The following CASKIN2 variants were observed in gnomAD, a reference collection of about 807,000 sequenced individuals.
CASKIN2 encodes CASK interacting protein 2, also known as caskin-2.
A neutral mutation model predicts 107.1 loss-of-function variants in CASKIN2; 41 were observed. The observed-to-expected ratio is 0.38, with a 90% CI of 0.30 to 0.50. The LOEUF is 0.50. Ranked by LOEUF, CASKIN2 falls within the 20% of genes least tolerant of loss-of-function variation. The pLI is 0.92. For synonymous variants in CASKIN2, 724 were observed against 705.6 expected, an observed-to-expected ratio of 1.03 and a Z score of -0.41; for missense variants, 1,546 against 1,657.4, an observed-to-expected ratio of 0.93 and a Z score of 1.17.
At chr17:75,511,897 A>G (rs1169970365) in intron 2 of CASKIN2, among the ~76,000 whole-genome samples, 1 of 132,406 alleles carries the variant, frequency 7.6e-6, no homozygotes, top group African/African-American at 2.5e-5. Context: ...TGAGGCCAGC[A>G]GCAGCTTGAC....
At position 75,506,181 on chromosome 17, in the gene CASKIN2, C is replaced by A. The variant is rs1038376731; in HGVS notation, c.726+124G>T. The A allele has an allele frequency of 8.3e-6, 7 of 847,742 alleles. No homozygotes were observed. Among genetic ancestry groups the A allele is most frequent in the Non-Finnish European group, 1.3e-5 (7 of 546,740 alleles). The allele number at this position is 847,742 out of a possible 1,614,324, so 52.5% of individuals were successfully genotyped here. A position where few individuals can be genotyped will look rare whatever the true frequency, so the allele number is the denominator to read the frequency against. ...CGGCACCATTCAGAAGGAAGTCAGG[C>A]CTCTTTCCTGACGCCCATGCAAAAA... On this transcript the variant is annotated intron_variant, in intron 8 of 19. Coordinates refer to ENST00000321617, the MANE Select transcript of CASKIN2 (RefSeq NM_020753.5). The surrounding 1 kb of genome is among the most constrained non-coding windows in gnomAD (Gnocchi z 4.8).
At position 75,500,451 on chromosome 17, in the gene CASKIN2, T is replaced by C. The variant is rs2053158570; in HGVS notation, c.*629A>G. 6.5e-6 allele frequency: 1 copy of C among 152,912 alleles called. No individual in the cohort carries two copies. The highest frequency in any genetic ancestry group is 1.5e-5 in the Non-Finnish European group (1 of 68,532). The allele number at this position is 152,912 out of a possible 1,614,324, so 9.5% of individuals were successfully genotyped here. A position where few individuals can be genotyped will look rare whatever the true frequency, so the allele number is the denominator to read the frequency against. ...GATAGAATAAATTCCATTTAAAATA[T>C]ATGCATTTCTCTCTGCTTAGAAAAT... On this transcript the variant is annotated 3_prime_UTR_variant, in exon 20 of 20. Transcript: ENST00000321617.
In CASKIN2 at chr17:75,506,213, T is replaced by G; in HGVS notation, c.726+92A>C. ...CCTGACGCCCATGCAAAAACCACGC[T>G]GGAGTCCTCCGTCCCGTACCTCCCC... On this transcript the variant is annotated intron_variant, in intron 8 of 19. Coordinates refer to ENST00000321617, the MANE Select transcript of CASKIN2 (RefSeq NM_020753.5). The surrounding 1 kb of genome is among the most constrained non-coding windows in gnomAD (Gnocchi z 4.8). The G allele has an allele frequency of 8.8e-7, 1 of 1,137,024 alleles. No homozygotes were observed. The highest frequency in any genetic ancestry group is 1.5e-5 in the African/African-American group (1 of 65,204). 70.4% of individuals were successfully genotyped at this position (1,137,024 alleles called of 1,614,324 possible). A position where few individuals can be genotyped will look rare whatever the true frequency, so the allele number is the denominator to read the frequency against.
At position 75,500,570 on chromosome 17, in the gene CASKIN2, G is replaced by T. The variant is rs185143167; in HGVS notation, c.*510C>A. ...CCTGCCTCAGTGAGGGAAGGCGGGG[G>T]CAGGAGCTGCCTGGGCACCACCGCT... On this transcript the variant is annotated 3_prime_UTR_variant, in exon 20 of 20. Coordinates refer to ENST00000321617, the MANE Select transcript of CASKIN2 (RefSeq NM_020753.5). The T allele has an allele frequency of 9.1e-4, 143 of 157,572 alleles. 1 individual carries two copies. In the Middle Eastern group the frequency reaches 0.013, roughly 14 times the overall value. The allele number at this position is 157,572 out of a possible 1,614,324, so 9.8% of individuals were successfully genotyped here.
At chr17:75,507,965 A>G in intron 3 of CASKIN2, 1 of 577,762 alleles carries the variant, frequency 1.7e-6, no homozygotes, top group Non-Finnish European at 3.1e-6. Flanking sequence ...CAGGGAGAAA[A>G]GGGGGCCCCA....
At chr17:75,509,204 A>G (rs1475427866) in intron 2 of CASKIN2, among the ~76,000 whole-genome samples, 2 of 152,178 alleles carry the variant, frequency 1.3e-5, no homozygotes, top group African/African-American at 2.4e-5. Context: ...AGAGCCAGGG[A>G]ACTGGTGGGA....
chr17:75,501,422 C>A, intron 19 of CASKIN2, 46 bp downstream of exon 19: 1 of 1,559,154 alleles, frequency 6.4e-7, no homozygotes, highest in Non-Finnish European at 8.8e-7. Context: ...GCAGGGAGCA[C>A]TGTTTCTCTG....
At chr17:75,513,062 C>T (rs932980755) in intron 2 of CASKIN2, among the ~76,000 whole-genome samples, 11 of 152,120 alleles carry the variant, frequency 7.2e-5, no homozygotes, top group African/African-American at 2.4e-4. Flanking sequence ...AAGAACACAT[C>T]AGAAAGACCA....
intron 2 of CASKIN2, among the ~76,000 whole-genome samples, chr17:75,512,899 C>CAA (rs35985597): frequency 0.029 from 4,206 of 145,128 alleles, 184 homozygotes; most frequent in African/African-American, 0.099. Flanking sequence ...GACTCCGTCT[C>CAA]AAAAAAAAAA....
Position 75,501,937 on chromosome 17 carries a change from G to A in CASKIN2, c.3137C>T (p.Ala1046Val). 3 of 1,598,200 alleles carry A rather than the reference G, an allele frequency of 1.9e-6. No individual in the cohort carries two copies. Among genetic ancestry groups the A allele is most frequent in the Non-Finnish European group, 2.6e-6 (3 of 1,171,256 alleles). ...LPQPEPSSLP[A>V]QGVPTPLAPS... Reference sequence around the variant, plus strand: ...AGCAAGGGGGGTTGGAACTCCTTGGGCTGGAAGGCTGCTGGGCTCGGGCTG... The same window carrying A: ...AGCAAGGGGGGTTGGAACTCCTTGGACTGGAAGGCTGCTGGGCTCGGGCTG... Residue 1046 changes from alanine (A) to valine (V), a missense_variant, in exon 18 of 20, where the codon GCC (alanine) becomes GTC (valine). Around this residue, in one of 6 missense-constraint regions of CASKIN2, gnomAD observed 1,311 missense variants for 1,311.0 expected, o/e 1.00. Coordinates refer to ENST00000321617, the MANE Select transcript of CASKIN2 (RefSeq NM_020753.5).
chr17:75,501,338 A>G, intron 19 of CASKIN2, 130 bp downstream of exon 19: 1 of 1,241,074 alleles, frequency 8.1e-7, no homozygotes, highest in Non-Finnish European at 1.1e-6. Flanking sequence ...AGGTGATTTC[A>G]ACACCTGGCC....
In CASKIN2 at chr17:75,501,592, G is replaced by C. The variant is rs764859534; in HGVS notation, c.3394C>G (p.Arg1132Gly). ...CCCACAGTCCCAGTGCTCTCAGGCC[G>C]TGGAGGAGGCACTGGGCGGGGGCCG... is the stretch of plus-strand genomic sequence containing the variant. ...RLGPRPVPPP[R>G]PESTGTVGPG... The change falls in exon 19 of 20, where the codon CGG becomes GGG. Residue 1132 changes from arginine (R) to glycine (G), a missense_variant. By Grantham distance (125) the Arg-to-Gly change is moderately radical. Coordinates refer to ENST00000321617, the MANE Select transcript of CASKIN2 (RefSeq NM_020753.5). 6.2e-7 allele frequency: 1 copy of C among 1,608,138 alleles called. No individual in the cohort carries two copies.
chr17:75,502,566 A>T lies in CASKIN2; in HGVS notation c.2508T>A (p.Ser836Arg). The T allele has an allele frequency of 3.8e-6, 6 of 1,578,784 alleles. No individual in the cohort carries two copies. In the South Asian group the frequency reaches 6.9e-5, roughly 18 times the overall value. Residue 836 changes from serine to arginine, a missense_variant, in exon 18 of 20, where the codon AGT becomes AGA. Coordinates refer to ENST00000321617, the MANE Select transcript of CASKIN2 (RefSeq NM_020753.5). This position sits in a 1 kb window ranked among gnomAD's most constrained non-coding sequence, Gnocchi z 4.3. The stretch of plus-strand genomic sequence containing the variant: ...CACTAGGACTGGTCCGGACAAGGGC[A>T]CTGCGTCCTGGCCGCCGGGTAAGGG... ...YATLTRRPGR[S>R]ALVRTSPSVT... is the part of the protein sequence containing the mutation.
intron 2 of CASKIN2, among the ~76,000 whole-genome samples, chr17:75,512,624 G>C (rs934830716): frequency 6.6e-6 from 1 of 152,078 alleles, no homozygotes; most frequent in African/African-American, 2.4e-5. Context: ...AAGCTATCTC[G>C]TGGCCTGGTG....
At chr17:75,512,923 T>C (rs970026149) in intron 2 of CASKIN2, among the ~76,000 whole-genome samples, 1 of 151,478 alleles carries the variant, frequency 6.6e-6, no homozygotes, top group Non-Finnish European at 1.5e-5. Context: ...AGCTATCTTA[T>C]AGATATCCTC....
chr17:75,510,408 G>A (rs1341114794), intron 2 of CASKIN2, among the ~76,000 whole-genome samples: 1 of 152,130 alleles, frequency 6.6e-6, no homozygotes, highest in Non-Finnish European at 1.5e-5. Context: ...AAAAAGGGGA[G>A]TCCTGACGCC....
At position 75,506,101 on chromosome 17, in the gene CASKIN2, G is replaced by T. The variant is rs1353388762; in HGVS notation, c.727-172C>A. ...GCTCAAGTTCACTCAGCTAGTAAGA[G>T]GCAGATCTGGGGTGCCAATCAGGTT... On this transcript the variant is annotated intron_variant, in intron 8 of 19. Coordinates refer to ENST00000321617, the MANE Select transcript of CASKIN2 (RefSeq NM_020753.5). This position sits in a 1 kb window ranked among gnomAD's most constrained non-coding sequence, Gnocchi z 4.8. Among the ~76,000 whole-genome samples, 1 of 152,150 alleles carries T rather than the reference G, an allele frequency of 6.6e-6. No homozygotes were observed. The highest frequency in any genetic ancestry group is 1.5e-5 in the Non-Finnish European group (1 of 68,012).
chr17:75,513,677 C>A, intron 2 of CASKIN2, 34 bp downstream of exon 2: 2 of 1,586,940 alleles, frequency 1.3e-6, no homozygotes, highest in Non-Finnish European at 1.7e-6. Context: ...GAGCGCTCGG[C>A]CTCAGCGGGA....
rs2053252213 is a variant in CASKIN2 at position 75,505,187 on chromosome 17, A to C, written c.931-114T>G. ...CTGGTCCAGCTCTTTCCCTACCCCT[A>C]AGGAGCTGGCCTCTGATGCCCACAC... On this transcript the variant is annotated intron_variant, in intron 10 of 19. Transcript: ENST00000321617. This position sits in a 1 kb window ranked among gnomAD's most constrained non-coding sequence, Gnocchi z 5.1. 8.2e-7 allele frequency: 1 copy of C among 1,213,552 alleles called. No individual in the cohort carries two copies. Among genetic ancestry groups the C allele is most frequent in the Non-Finnish European group, 1.2e-6 (1 of 849,794 alleles). 75.2% of individuals were successfully genotyped at this position (1,213,552 alleles called of 1,614,324 possible). A position where few individuals can be genotyped will look rare whatever the true frequency, so the allele number is the denominator to read the frequency against.
Sources: gnomAD v4.1 joint callset for allele counts (sites outside exome capture counted in the v4.1 genomes callset) on GRCh38, gnomAD v4.1.1 for gene constraint, gnomAD v4.1.1 regional missense constraint, Gnocchi (gnomAD v3.1) non-coding constraint, MANE v1.5 for transcripts, NCBI Gene and HGNC (gene_info 2026-07-23, HGNC 2026-07-21) for gene names.